The following SFXN5 variants were observed in gnomAD, a reference collection of about 807,000 sequenced individuals.
SFXN5 encodes sideroflexin-5.
SFXN5 carries 43 observed loss-of-function variants against 50.2 expected under a neutral mutation model. The observed-to-expected ratio is 0.86, with a 90% CI of 0.67 to 1.11. The LOEUF (loss-of-function observed/expected upper bound fraction) is 1.11, where lower values mean the gene tolerates loss of function less well. SFXN5 is among the 50% of genes least tolerant of loss of function. The pLI is 0.00. For synonymous variants in SFXN5, 203 were observed against 185.8 expected (o/e 1.09, Z -0.75); for missense variants, 463 against 454.1 (o/e 1.02, Z -0.18).
At chr2:73,027,612 G>A (rs1677731052) in intron 3 of SFXN5, among the ~76,000 whole-genome samples, 1 of 152,102 alleles carries the variant, frequency 6.6e-6, no homozygotes, top group Non-Finnish European at 1.5e-5. Flanking sequence ...TTCCAGTCCT[G>A]CAAGCTCCAT....
chr2:73,060,531 T>G (rs1682675015), intron 1 of SFXN5, among the ~76,000 whole-genome samples: 1 of 152,108 alleles, frequency 6.6e-6, no homozygotes, highest in Admixed American at 6.5e-5. Context: ...CTAGATGCAC[T>G]GTGTAACTCG....
Position 73,040,928 on chromosome 2 carries a change from G to T in SFXN5, c.175C>A (p.Arg59Ser). Residue 59 changes from arginine (R) to serine (S), a missense_variant, in exon 3 of 14, where the codon CGT becomes AGT. Coordinates refer to ENST00000272433, the MANE Select transcript of SFXN5 (RefSeq NM_144579.3). ...AGCAGCTGCACAGCCTCTCTGAGAC[G>T]TCTCTGCAGAAGAAAGAAAAGAGAC... ...DPRTLFVTERRLREAVQLLED... is the reference protein window; with the variant it reads ...DPRTLFVTERSLREAVQLLED... 1 of 1,612,174 alleles carries T rather than the reference G, an allele frequency of 6.2e-7. No individual in the cohort carries two copies. The highest frequency in any genetic ancestry group is 1.1e-5 in the South Asian group (1 of 90,762).
At chr2:72,947,761 G>A (rs1573921978) in intron 13 of SFXN5, among the ~76,000 whole-genome samples, 2 of 152,234 alleles carry the variant, frequency 1.3e-5, no homozygotes, top group Middle Eastern at 3.4e-3. Context: ...ACAGAGGAGA[G>A]CCAGGCTGAG....
intron 10 of SFXN5, among the ~76,000 whole-genome samples, chr2:72,985,312 G>A (rs1671777510): frequency 6.6e-6 from 1 of 152,056 alleles, no homozygotes; most frequent in South Asian, 2.1e-4. Flanking sequence ...CCCCGGGCAG[G>A]ACCTAGGCCC....
intron 13 of SFXN5, among the ~76,000 whole-genome samples, chr2:72,949,988 C>T (rs1416020952): frequency 3.3e-5 from 5 of 151,928 alleles, no homozygotes; most frequent in African/African-American, 1.2e-4. Context: ...CCAGTGGGTT[C>T]CCCAGGTGGA....
chr2:72,984,483 A>T (rs1402562589), intron 10 of SFXN5, among the ~76,000 whole-genome samples: 2 of 152,268 alleles, frequency 1.3e-5, no homozygotes, highest in Non-Finnish European at 2.9e-5. Context: ...GTTATCTCAC[A>T]GGGCTTGAAA....
Position 72,968,403 on chromosome 2 carries a change from C to T in SFXN5, c.827+45G>A, listed in dbSNP as rs756122617. On this transcript the variant is annotated intron_variant, in intron 12 of 13. Transcript: ENST00000272433. Reference sequence around the variant, plus strand: ...CAGCCGGTTCCCCCTCCCTCTCCCCCTCCTCCCCCATGGTGGCCTCTCCAT... The same window carrying T: ...CAGCCGGTTCCCCCTCCCTCTCCCCTTCCTCCCCCATGGTGGCCTCTCCAT... 6 of 1,577,940 alleles carry T rather than the reference C, an allele frequency of 3.8e-6. No individual in the cohort carries two copies. The African/African-American group carries it at 8.1e-5, about 21-fold the overall frequency.
chr2:72,952,916 C>T (rs1474500961), intron 13 of SFXN5, among the ~76,000 whole-genome samples: 1 of 152,198 alleles, frequency 6.6e-6, no homozygotes, highest in African/African-American at 2.4e-5. Flanking sequence ...TTCCACTTTG[C>T]ATGTATTAAT....
At chr2:72,993,191 G>T (rs1672820236) in intron 9 of SFXN5, among the ~76,000 whole-genome samples, 1 of 152,206 alleles carries the variant, frequency 6.6e-6, no homozygotes, top group Non-Finnish European at 1.5e-5. Flanking sequence ...AAGGTTAGGG[G>T]TTTGTGAGGG....
intron 9 of SFXN5, among the ~76,000 whole-genome samples, chr2:72,990,991 C>T (rs1251233088): frequency 6.6e-6 from 1 of 152,190 alleles, no homozygotes; most frequent in Non-Finnish European, 1.5e-5. Context: ...GTTCAAAATC[C>T]TGCTTGACAA....
chr2:72,974,503 A>T (rs1347186550), intron 10 of SFXN5, among the ~76,000 whole-genome samples: 1 of 152,122 alleles, frequency 6.6e-6, no homozygotes, highest in Non-Finnish European at 1.5e-5. Context: ...AAACCCTAAA[A>T]GTCATCTCAG....
intron 13 of SFXN5, among the ~76,000 whole-genome samples, chr2:72,952,130 A>C (rs1672601478): frequency 1.3e-5 from 2 of 152,162 alleles, no homozygotes; most frequent in South Asian, 2.1e-4. Context: ...CTACCTTCTC[A>C]GTGAAAGAAC....
intron 6 of SFXN5, among the ~76,000 whole-genome samples, chr2:73,006,249 G>A (rs1674622527): frequency 6.6e-6 from 1 of 152,166 alleles, no homozygotes; most frequent in African/African-American, 2.4e-5. Flanking sequence ...GTCACCCTCA[G>A]TTGACCATAG....
chr2:73,034,619 G>C (rs1166994128), intron 3 of SFXN5, among the ~76,000 whole-genome samples: 1 of 152,100 alleles, frequency 6.6e-6, no homozygotes, highest in Non-Finnish European at 1.5e-5. Flanking sequence ...CCCAACCTCT[G>C]GGGAATGTTG....
intron 1 of SFXN5, among the ~76,000 whole-genome samples, chr2:73,065,485 C>G (rs1414955413): frequency 6.6e-6 from 1 of 152,160 alleles, no homozygotes; most frequent in Admixed American, 6.5e-5. Context: ...ACTGCAACCT[C>G]TGCCTCCCGG....
intron 1 of SFXN5, among the ~76,000 whole-genome samples, chr2:73,068,021 A>G (rs1219359317): frequency 2.6e-5 from 4 of 152,214 alleles, no homozygotes; most frequent in Non-Finnish European, 5.9e-5. Flanking sequence ...TATGGGGAGA[A>G]AGATGGTCAC....
chr2:72,946,079 G>A (rs888128507), intron 13 of SFXN5, among the ~76,000 whole-genome samples: 7 of 126,882 alleles, frequency 5.5e-5, no homozygotes, highest in African/African-American at 1.2e-4. Flanking sequence ...CCACCCCACA[G>A]CTGCCATCCC....
chr2:73,063,078 T>C (rs546282078), intron 1 of SFXN5, among the ~76,000 whole-genome samples: 51 of 152,290 alleles, frequency 3.3e-4, no homozygotes, highest in South Asian at 6.2e-4. Flanking sequence ...TAGTGAGACA[T>C]GAATGTTTGT....
At chr2:72,999,226 G>A (rs979454146) in intron 8 of SFXN5, among the ~76,000 whole-genome samples, 2 of 152,326 alleles carry the variant, frequency 1.3e-5, no homozygotes. Context: ...GGGAGATACT[G>A]AAGGGCCCAC....
Sources: allele counts gnomAD v4.1 joint callset (sites outside exome capture counted in the v4.1 genomes callset), GRCh38; gene constraint gnomAD v4.1.1; transcripts MANE v1.5; gene names NCBI Gene and HGNC (gene_info 2026-07-23, HGNC 2026-07-21).